IQCM: variants seen among roughly 807,000 people sequenced by gnomAD.
IQCM encodes the protein IQ motif containing M.
In IQCM, 45 loss-of-function variants were observed where a neutral mutation model predicts 57.6. That is an observed-to-expected ratio of 0.78 (90% CI 0.62 to 1.00). The LOEUF is 1.00. IQCM is among the 50% of genes least tolerant of loss of function. IQCM has a pLI of 0.00. For missense variants in IQCM, 468 were observed against 511.6 expected, an observed-to-expected ratio of 0.91 and a Z score of 0.82; for synonymous variants, 148 against 158.9, an observed-to-expected ratio of 0.93 and a Z score of 0.51.
At chr4:149,639,206 C>T (rs891307068) in intron 7 of IQCM, among the ~76,000 whole-genome samples, 13 of 152,042 alleles carry the variant, frequency 8.6e-5, no homozygotes, top group Admixed American at 4.6e-4. Flanking sequence ...ACAGGAGGAT[C>T]GCTTGAGCCC....
At chr4:149,445,942 C>G (rs1736458251) in intron 12 of IQCM, among the ~76,000 whole-genome samples, 1 of 151,598 alleles carries the variant, frequency 6.6e-6, no homozygotes, top group Non-Finnish European at 1.5e-5. Context: ...ATATTTACTC[C>G]CAAGAGGTTT....
chr4:149,809,093 G>T (rs1774328890), intron 2 of IQCM, among the ~76,000 whole-genome samples: 1 of 151,976 alleles, frequency 6.6e-6, no homozygotes, highest in South Asian at 2.1e-4. Flanking sequence ...AAAATAGTGT[G>T]GTCTTAGACA....
At chr4:149,568,682 G>A (rs947669963) in intron 9 of IQCM, among the ~76,000 whole-genome samples, 1 of 152,088 alleles carries the variant, frequency 6.6e-6, no homozygotes, top group South Asian at 2.1e-4. Context: ...GGGAGGCTGA[G>A]GTGGGAGGAT....
At chr4:149,417,688 T>C (rs1733841236) in intron 13 of IQCM, among the ~76,000 whole-genome samples, 1 of 152,222 alleles carries the variant, frequency 6.6e-6, no homozygotes, top group African/African-American at 2.4e-5. Context: ...AATTGAGTCA[T>C]CCCTCTCTGT....
chr4:149,649,056 C>T (rs1758916583), intron 7 of IQCM, among the ~76,000 whole-genome samples: 1 of 152,102 alleles, frequency 6.6e-6, no homozygotes, highest in African/African-American at 2.4e-5. Flanking sequence ...ATCACCTGAC[C>T]AAGCTAGGCT....
At chr4:149,445,631 T>C (rs1389203260) in intron 12 of IQCM, among the ~76,000 whole-genome samples, 1 of 151,898 alleles carries the variant, frequency 6.6e-6, no homozygotes, top group Non-Finnish European at 1.5e-5. Flanking sequence ...GTTATCATCA[T>C]TGGGCAGTAA....
chr4:149,677,177 C>A (rs1761824543), intron 7 of IQCM, among the ~76,000 whole-genome samples: 1 of 152,060 alleles, frequency 6.6e-6, no homozygotes, highest in Admixed American at 6.6e-5. Context: ...TGTCCCTCCC[C>A]TGGCCCATAA....
At position 149,791,118 on chromosome 4, in the gene IQCM, G is replaced by T. The variant is rs1772563527; in HGVS notation, c.-49+24193C>A. 1.3e-5 allele frequency among the ~76,000 whole-genome samples: 2 copies of T among 151,988 alleles called. 1 individual carries two copies. Among genetic ancestry groups the T allele is most frequent in the South Asian group, 4.1e-4 (2 of 4,826 alleles). On this transcript the variant is annotated intron_variant, in intron 2 of 13. Coordinates refer to ENST00000636793, the MANE Select transcript of IQCM (RefSeq NM_001363507.2). ...ATAAAGTGCAAGTAATTTTATTCAG[G>T]AGCCAAAAATTCCAATAAAAGGATT...
intron 13 of IQCM, among the ~76,000 whole-genome samples, chr4:149,356,783 A>T (rs1210882634): frequency 3.3e-5 from 5 of 152,194 alleles, no homozygotes. Flanking sequence ...TCTGTGAAGA[A>T]AGTCATTGGT....
intron 7 of IQCM, among the ~76,000 whole-genome samples, chr4:149,632,824 G>A (rs78494808): frequency 0.015 from 2,258 of 152,236 alleles, 66 homozygotes; most frequent in African/African-American, 0.052. Context: ...GTACTAAGAG[G>A]CTCACGAAGT....
At chr4:149,646,145 G>A (rs1470222537) in intron 7 of IQCM, among the ~76,000 whole-genome samples, 2 of 152,084 alleles carry the variant, frequency 1.3e-5, no homozygotes, top group African/African-American at 4.8e-5. Flanking sequence ...GTCAGCCTTA[G>A]GGAACCCTGT....
intron 12 of IQCM, among the ~76,000 whole-genome samples, chr4:149,484,969 T>A (rs1313905686): frequency 1.3e-5 from 2 of 152,242 alleles, no homozygotes; most frequent in East Asian, 3.9e-4. Context: ...AATATACTAA[T>A]CTAGGGTAAA....
At chr4:149,684,748 C>G (rs186933912) in intron 6 of IQCM, among the ~76,000 whole-genome samples, 5 of 151,374 alleles carry the variant, frequency 3.3e-5, no homozygotes, top group Non-Finnish European at 7.4e-5. Flanking sequence ...TTAGTCACCA[C>G]GTCCCAAAGC....
At chr4:149,572,479 A>G (rs753094987) in intron 9 of IQCM, among the ~76,000 whole-genome samples, 2 of 151,530 alleles carry the variant, frequency 1.3e-5, no homozygotes, top group African/African-American at 2.4e-5. Context: ...CCAGCAACCA[A>G]ACCTGTCTTC....
rs547067978 is a variant in IQCM at position 149,677,525 on chromosome 4, T to C, written c.565+4593A>G. ...AGTAAAGAACCTATAAGCAAATATATCCAATAAAAAAATAAAAGAAGCAAG... is the reference window on the plus strand; with the variant it reads ...AGTAAAGAACCTATAAGCAAATATACCCAATAAAAAAATAAAAGAAGCAAG... On this transcript the variant is annotated intron_variant, in intron 7 of 13. Coordinates refer to ENST00000636793, the MANE Select transcript of IQCM (RefSeq NM_001363507.2). Among the ~76,000 whole-genome samples the C allele has an allele frequency of 2.0e-5, 3 of 151,560 alleles. No homozygotes were observed. The South Asian group carries it at 6.3e-4, about 32-fold the overall frequency.
chr4:149,382,992 C>T (rs1365552300), intron 13 of IQCM, among the ~76,000 whole-genome samples: 4 of 103,970 alleles, frequency 3.8e-5, no homozygotes, highest in Non-Finnish European at 6.3e-5. Flanking sequence ...TATTCTTCAG[C>T]AAAAAAAAAA....
Position 149,647,655 on chromosome 4 carries a change from C to T in IQCM, c.566-26411G>A, listed in dbSNP as rs919358881. On this transcript the variant is annotated intron_variant, in intron 7 of 13. Coordinates refer to ENST00000636793, the MANE Select transcript of IQCM (RefSeq NM_001363507.2). ...TCTTTTTTTCTTCTCTTTTTGCTGG[C>T]TTTTAAAAATTGTTTCTCTTTTTAT... Among the ~76,000 whole-genome samples the T allele has an allele frequency of 2.6e-5, 4 of 151,752 alleles. No individual in the cohort carries two copies. In the South Asian group the frequency reaches 8.3e-4, roughly 31 times the overall value.
intron 12 of IQCM, among the ~76,000 whole-genome samples, chr4:149,481,701 G>GTTTTGTTTTTTTTTTTTTTTTTTT (rs1740817619): frequency 1.9e-5 from 1 of 51,550 alleles, no homozygotes; most frequent in African/African-American, 7.6e-5. Context: ...TTCCAGTTTT[G>GTTTTGTTTTTTTTTTTTTTTTTTT]TTTTTTTTTT....
chr4:149,398,843 A>T (rs1732417182), intron 13 of IQCM, among the ~76,000 whole-genome samples: 1 of 152,006 alleles, frequency 6.6e-6, no homozygotes, highest in Non-Finnish European at 1.5e-5. Flanking sequence ...AGCAGCTGGG[A>T]CTACAGGCAT....
Sources: gnomAD v4.1 joint callset for allele counts (sites outside exome capture counted in the v4.1 genomes callset) on GRCh38, gnomAD v4.1.1 for gene constraint, MANE v1.5 for transcripts, NCBI Gene and HGNC (gene_info 2026-07-23, HGNC 2026-07-21) for gene names.